MAPT: variants seen among roughly 807,000 people sequenced by gnomAD.
MAPT encodes microtubule associated protein tau.
MAPT carries 34 observed loss-of-function variants against 67.9 expected under a neutral mutation model. That is an observed-to-expected ratio of 0.50 (90% confidence interval 0.38 to 0.67). MAPT has a LOEUF of 0.67. Ranked by LOEUF, MAPT falls within the 30% of genes least tolerant of loss-of-function variation. The pLI, the probability that MAPT is intolerant of heterozygous loss-of-function variation, is 0.00. For synonymous variants in MAPT, 456 were observed against 464.5 expected, an observed-to-expected ratio of 0.98 and a Z score of 0.23; for missense variants, 881 against 1,115.2, an observed-to-expected ratio of 0.79 and a Z score of 2.99.
At chr17:45,926,913 G>A (rs941233760) in intron 1 of MAPT, among the ~76,000 whole-genome samples, 2 of 148,606 alleles carry the variant, frequency 1.3e-5, no homozygotes, top group East Asian at 1.9e-4. Flanking sequence ...GTATGTATGT[G>A]TGTATATATA....
intron 9 of MAPT, among the ~76,000 whole-genome samples, chr17:46,008,681 AG>A (rs1338122699): frequency 1.3e-5 from 2 of 152,204 alleles, no homozygotes; most frequent in African/African-American, 2.4e-5. Context: ...AGTAAAATTA[AG>A]GGGAAAAAAA....
At chr17:45,898,249 GT>G in intron 1 of MAPT, 1 of 152,386 alleles carries the variant, frequency 6.6e-6, no homozygotes, top group Non-Finnish European at 1.5e-5. Flanking sequence ...GCTTTGCTGG[GT>G]TTTGGATGAG....
chr17:45,927,858 G>C (rs1382799150), intron 1 of MAPT, among the ~76,000 whole-genome samples: 1 of 151,940 alleles, frequency 6.6e-6, no homozygotes, highest in African/African-American at 2.4e-5. Context: ...AAAGTAGCCG[G>C]GAGTGGTGGC....
intron 10 of MAPT, among the ~76,000 whole-genome samples, chr17:46,012,245 G>C (rs2146045081): frequency 6.6e-6 from 1 of 152,324 alleles, no homozygotes; most frequent in Non-Finnish European, 1.5e-5. Flanking sequence ...ACCCCTCTGG[G>C]TAGCTGATGC....
At chr17:45,928,607 A>G (rs888892830) in intron 1 of MAPT, among the ~76,000 whole-genome samples, 8 of 152,192 alleles carry the variant, frequency 5.3e-5, no homozygotes, top group African/African-American at 1.7e-4. Flanking sequence ...GCCACAATGC[A>G]AGACTCCACC....
chr17:45,905,031 G>A (rs777293159), intron 1 of MAPT, among the ~76,000 whole-genome samples: 7 of 152,038 alleles, frequency 4.6e-5, no homozygotes, highest in Non-Finnish European at 7.4e-5. Context: ...CCCACCATCC[G>A]TTTTCTGTCT....
chr17:45,942,460 G>A lies in MAPT; in HGVS notation c.-17-19861G>A, dbSNP rs529285033. Reference sequence around the variant, plus strand: ...GAGGCTGCATCGAGAGGGCCAAGGGGCACCACGTGTCGTGGGTACTGTCAA... The same window carrying A: ...GAGGCTGCATCGAGAGGGCCAAGGGACACCACGTGTCGTGGGTACTGTCAA... On this transcript the variant is annotated intron_variant, in intron 1 of 12. Coordinates refer to ENST00000262410, the MANE Select transcript of MAPT (RefSeq NM_001377265.1). Among the ~76,000 whole-genome samples the A allele has an allele frequency of 2.6e-5, 4 of 152,344 alleles. No individual in the cohort carries two copies. In the South Asian group the frequency reaches 8.3e-4, roughly 32 times the overall value.
Position 46,025,539 on chromosome 17 carries a change from C to T in MAPT, c.*1368C>T, listed in dbSNP as rs1281994579. ...GCCTCTCACTCTCAGTTCCACTCAT[C>T]CAACTGGGACCCTCACCACGAATCT... On this transcript the variant is annotated 3_prime_UTR_variant, in exon 13 of 13. Transcript: ENST00000262410. The T allele has an allele frequency of 6.5e-6, 1 of 152,796 alleles. No individual in the cohort carries two copies. The highest frequency in any genetic ancestry group is 1.5e-5 in the Non-Finnish European group (1 of 68,150). 9.5% of individuals were successfully genotyped at this position (152,796 alleles called of 1,614,324 possible). A position where few individuals can be genotyped will look rare whatever the true frequency, so the allele number is the denominator to read the frequency against.
rs2075594604 is a variant in MAPT at position 46,008,368 on chromosome 17, G to A, written c.1999-1942G>A. On this transcript the variant is annotated intron_variant, in intron 9 of 12. Coordinates refer to ENST00000262410, the MANE Select transcript of MAPT (RefSeq NM_001377265.1). Reference sequence around the variant, plus strand: ...ACCTCCCAAAGTGCTAGGATTACAGGAGCCACTGTACCCAGCCTAGGATAT... The same window carrying A: ...ACCTCCCAAAGTGCTAGGATTACAGAAGCCACTGTACCCAGCCTAGGATAT... Among the ~76,000 whole-genome samples, 3 of 152,220 alleles carry A rather than the reference G, an allele frequency of 2.0e-5. No homozygotes were observed. The South Asian group carries it at 6.2e-4, about 32-fold the overall frequency.
At chr17:46,003,426 A>G (rs1057369270) in intron 9 of MAPT, among the ~76,000 whole-genome samples, 1 of 151,972 alleles carries the variant, frequency 6.6e-6, no homozygotes, top group African/African-American at 2.4e-5. Context: ...TTACAAGCAC[A>G]CACCACCATG....
chr17:45,902,557 A>G (rs2063691870), intron 1 of MAPT, among the ~76,000 whole-genome samples: 1 of 152,306 alleles, frequency 6.6e-6, no homozygotes, highest in Non-Finnish European at 1.5e-5. Flanking sequence ...CTTACAGGGT[A>G]TCAGAAGAAC....
intron 1 of MAPT, among the ~76,000 whole-genome samples, chr17:45,951,760 G>A (rs1568223900): frequency 6.6e-6 from 1 of 151,954 alleles, no homozygotes; most frequent in Non-Finnish European, 1.5e-5. Flanking sequence ...ACCTTTCCAA[G>A]GGTCCCTAAA....
At chr17:45,917,499 A>G (rs1348881937) in intron 1 of MAPT, among the ~76,000 whole-genome samples, 3 of 152,148 alleles carry the variant, frequency 2.0e-5, no homozygotes, top group African/African-American at 7.2e-5. Flanking sequence ...AACTAATGCA[A>G]ATTTTCCTAG....
intron 1 of MAPT, among the ~76,000 whole-genome samples, chr17:45,918,847 C>G (rs1197431696): frequency 1.3e-5 from 2 of 152,106 alleles, no homozygotes; most frequent in Non-Finnish European, 2.9e-5. Context: ...CACTTGAGGT[C>G]AGGAATTTGA....
intron 1 of MAPT, among the ~76,000 whole-genome samples, chr17:45,913,403 T>C (rs1237775502): frequency 1.3e-5 from 2 of 152,204 alleles, no homozygotes; most frequent in Non-Finnish European, 2.9e-5. Context: ...CAAGATGAGA[T>C]TTGTTACCAT....
At chr17:46,000,944 G>T (rs1230383982) in intron 9 of MAPT, among the ~76,000 whole-genome samples, 2 of 152,208 alleles carry the variant, frequency 1.3e-5, no homozygotes, top group African/African-American at 4.8e-5. Flanking sequence ...AAAACATTTT[G>T]TTGGGGCCAG....
At chr17:46,022,938 G>A (rs1029103317) in intron 12 of MAPT, among the ~76,000 whole-genome samples, 5 of 152,246 alleles carry the variant, frequency 3.3e-5, no homozygotes, top group South Asian at 4.1e-4. Flanking sequence ...TAGATAAGTC[G>A]CTAGACAGTC....
chr17:45,960,894 A>G (rs1264027149), intron 1 of MAPT, among the ~76,000 whole-genome samples: 1 of 152,198 alleles, frequency 6.6e-6, no homozygotes, highest in Non-Finnish European at 1.5e-5. Context: ...ACGAATATGA[A>G]AATATGCAAA....
Position 46,024,225 on chromosome 17 carries a change from G to GAA in MAPT, c.*62_*63dup. 11 of 1,472,514 alleles carry GAA rather than the reference G, an allele frequency of 7.5e-6. No homozygotes were observed. The highest frequency in any genetic ancestry group is 1.0e-5 in the Non-Finnish European group (11 of 1,057,008). The allele number at this position is 1,472,514 out of a possible 1,614,324, so 91.2% of individuals were successfully genotyped here. ...GGAGAGGAGAGAATGAGAGAGTGTGGAAAAAAAAAGAATAATGACCCGGCC... is the reference window on the plus strand; with the variant it reads ...GGAGAGGAGAGAATGAGAGAGTGTGGAAAAAAAAAAAGAATAATGACCCGGCC... On this transcript the variant is annotated 3_prime_UTR_variant, in exon 13 of 13. Coordinates refer to ENST00000262410, the MANE Select transcript of MAPT (RefSeq NM_001377265.1).
Sources: gnomAD v4.1 joint callset for allele counts (sites outside exome capture counted in the v4.1 genomes callset) on GRCh38, gnomAD v4.1.1 for gene constraint, MANE v1.5 for transcripts, NCBI Gene and HGNC (gene_info 2026-07-23, HGNC 2026-07-21) for gene names.